SGO1: variants seen among roughly 807,000 people sequenced by gnomAD.
SGO1 encodes the protein serologically defined breast cancer antigen NY-BR-85.
SGO1 carries 39 observed loss-of-function variants against 50.5 expected under a neutral mutation model. The ratio of observed to expected loss-of-function variants is 0.77; its 90% CI spans 0.60 to 1.01. SGO1 has a LOEUF of 1.01. SGO1 is among the 50% of genes least tolerant of loss of function. The pLI, the probability that SGO1 is intolerant of heterozygous loss-of-function variation, is 0.00. For synonymous variants in SGO1, 191 were observed against 205.1 expected, an observed-to-expected ratio of 0.93 and a Z score of 0.59; for missense variants, 638 against 606.0, an observed-to-expected ratio of 1.05 and a Z score of -0.55.
Position 20,170,644 on chromosome 3 carries a change from C to G in SGO1, c.*60G>C, listed in dbSNP as rs73193250. 16,433 of 1,475,242 alleles carry G rather than the reference C, an allele frequency of 0.011. 374 individuals are homozygous for G. Among genetic ancestry groups the G allele is most frequent in the African/African-American group, 0.082 (5,704 of 69,368 alleles). The allele number at this position is 1,475,242 out of a possible 1,614,324, so 91.4% of individuals were successfully genotyped here. ...ACTCTGTTTGTGTACTCTTACAGAT[C>G]CTCTCCTGAAGCAACAGAAAGAGGT... On this transcript the variant is annotated 3_prime_UTR_variant, in exon 8 of 8. Transcript: ENST00000412997.
At position 20,170,675 on chromosome 3, in the gene SGO1, T is replaced by C. The variant is rs771866725; in HGVS notation, c.*29A>G. 28 of 1,546,710 alleles carry C rather than the reference T, an allele frequency of 1.8e-5. No homozygotes were observed. In the African/African-American group the frequency reaches 1.8e-4, roughly 10 times the overall value. ...CTGAAGCAACAGAAAGAGGTGTAGATTGAATTTAAACAATATCCAACAAAA... is the reference window on the plus strand; with the variant it reads ...CTGAAGCAACAGAAAGAGGTGTAGACTGAATTTAAACAATATCCAACAAAA... On this transcript the variant is annotated 3_prime_UTR_variant, in exon 8 of 8. Transcript: ENST00000412997.
Position 20,171,108 on chromosome 3 carries a change from T to TG in SGO1, c.1406dup (p.Ala470SerfsTer6). 6.2e-7 allele frequency: 1 copy of TG among 1,613,374 alleles called. No individual in the cohort carries two copies. The highest frequency in any genetic ancestry group is 8.5e-7 in the Non-Finnish European group (1 of 1,179,816). ...ACCTACGTTTAGGCAGAGCCACTGC[T>TG]GGGCTTGCTTTATTCTTTTTTGGAG... is the stretch of plus-strand genomic sequence containing the variant. On this transcript the variant is annotated frameshift_variant, in exon 7 of 8. Transcript: ENST00000412997. LOFTEE classifies it high-confidence loss of function.
Position 20,163,322 on chromosome 3 carries a change from G to A in SGO1, c.1565-2096C>T, listed in dbSNP as rs143008817. Among the ~76,000 whole-genome samples the A allele has an allele frequency of 1.1e-3, 168 of 152,172 alleles. 1 individual carries two copies. The highest frequency in any genetic ancestry group is 3.6e-3 in the African/African-American group (148 of 41,534). The stretch of plus-strand genomic sequence containing the variant: ...TGCTCTTTGAGGCTGAAGCAAACCT[G>A]ACTGATTTTCAATGTGAAAATAAAA... On this transcript the variant is annotated intron_variant, in intron 8 of 8. Transcript: ENST00000263753.
Position 20,171,167 on chromosome 3 carries a change from A to G in SGO1, c.1348T>C (p.Tyr450His). The change falls in exon 7 of 8, where the codon TAT (tyrosine) becomes CAT (histidine). Residue 450 changes from tyrosine (Y) to histidine (H), a missense_variant. Tyr to His is a moderately conservative substitution (Grantham distance 83, BLOSUM62 2). Coordinates refer to ENST00000412997, the MANE Select transcript of SGO1 (RefSeq NM_001199251.3). ...SLKDITNVSL[Y>H]PVVKIRRLSL... is the part of the protein sequence containing the mutation. ...AGTCTTCTGATTTTCACAACAGGAT[A>G]CAAGGAGACATTGGTGATATCCTTC... 1 of 1,613,188 alleles carries G rather than the reference A, an allele frequency of 6.2e-7. No individual in the cohort carries two copies. Among genetic ancestry groups the G allele is most frequent in the Non-Finnish European group, 8.5e-7 (1 of 1,179,724 alleles).
downstream of SGO1, among the ~76,000 whole-genome samples, chr3:20,166,842 CAAAAAAAAAAAAAAAAAAA>C (rs58288144): frequency 2.3e-5 from 1 of 42,736 alleles, no homozygotes; most frequent in African/African-American, 9.7e-5. Context: ...CCATCTCTAC[CAAAAAAAAAAAAAAAAAAA>C]AAAAAAAAAA....
Position 20,174,671 on chromosome 3 carries a change from G to C in SGO1, c.860C>G (p.Thr287Arg). The C allele has an allele frequency of 6.2e-7, 1 of 1,607,882 alleles. No individual in the cohort carries two copies. Among genetic ancestry groups the C allele is most frequent in the Non-Finnish European group, 8.5e-7 (1 of 1,177,470 alleles). Reference sequence around the variant, plus strand: ...TTTCTCTTCTCTTTTTCTTTCTTGTGTATCTCTTTGCTTACTTTTAGTTTG... The same window carrying C: ...TTTCTCTTCTCTTTTTCTTTCTTGTCTATCTCTTTGCTTACTTTTAGTTTG... Reference protein sequence around the residue: ...SEQTKSKQRDTQERKREEKRK... With the variant: ...SEQTKSKQRDRQERKREEKRK... Residue 287 changes from threonine (T) to arginine (R), a missense_variant, in exon 6 of 8, where the codon ACA becomes AGA. Coordinates refer to ENST00000412997, the MANE Select transcript of SGO1 (RefSeq NM_001199251.3).
At chr3:20,182,914 A>G (rs886390346) in intron 3 of SGO1, among the ~76,000 whole-genome samples, 1 of 152,032 alleles carries the variant, frequency 6.6e-6, no homozygotes, top group Non-Finnish European at 1.5e-5. Flanking sequence ...GCTACTCCAG[A>G]GGCTGAGGCA....
intron 5 of SGO1, among the ~76,000 whole-genome samples, chr3:20,176,344 G>C (rs971874256): frequency 6.6e-6 from 1 of 152,120 alleles, no homozygotes; most frequent in African/African-American, 2.4e-5. Context: ...GCCTAACATA[G>C]AGCTTGACAC....
Position 20,174,309 on chromosome 3 carries a change from C to T in SGO1, c.1222G>A (p.Ala408Thr), listed in dbSNP as rs770247093. The T allele has an allele frequency of 3.7e-6, 6 of 1,614,182 alleles. No homozygotes were observed. Among genetic ancestry groups the T allele is most frequent in the Non-Finnish European group, 5.1e-6 (6 of 1,180,018 alleles). ...RPVTRPLAKR[A>T]LKYTDEKETE... Reference sequence around the variant, plus strand: ...TCTTTTTCATCTGTGTATTTCAGTGCTCTTTTAGCTAGAGGCCTGGTGACT... The same window carrying T: ...TCTTTTTCATCTGTGTATTTCAGTGTTCTTTTAGCTAGAGGCCTGGTGACT... Residue 408 changes from alanine to threonine, a missense_variant, in exon 6 of 8, where the codon GCA becomes ACA. Coordinates refer to ENST00000412997, the MANE Select transcript of SGO1 (RefSeq NM_001199251.3).
At chr3:20,180,858 G>T (rs1215732610) in intron 3 of SGO1, among the ~76,000 whole-genome samples, 1 of 152,162 alleles carries the variant, frequency 6.6e-6, no homozygotes, top group Admixed American at 6.5e-5. Flanking sequence ...CAGGTGTGGC[G>T]GCTTCTGCCT....
downstream of SGO1, among the ~76,000 whole-genome samples, chr3:20,165,299 G>A (rs554379442): frequency 2.0e-5 from 3 of 152,204 alleles, no homozygotes; most frequent in South Asian, 6.2e-4. Context: ...TCCCAGTGAG[G>A]GCATTAATTC....
upstream of SGO1, chr3:20,186,713 G>T (rs1169868716): frequency 6.6e-6 from 1 of 152,128 alleles, no homozygotes; most frequent in African/African-American, 2.4e-5. Flanking sequence ...TCTCTTTGCC[G>T]GCTATCTCTG....
Position 20,182,101 on chromosome 3 carries a change from A to C in SGO1, c.339+1507T>G, listed in dbSNP as rs73037156. Reference sequence around the variant, plus strand: ...CTGTCTCAAGAAAAAAAAAAGAAAAAAAAACATAAAGTTCCCGTGAAGAAA... The same window carrying C: ...CTGTCTCAAGAAAAAAAAAAGAAAACAAAACATAAAGTTCCCGTGAAGAAA... On this transcript the variant is annotated intron_variant, in intron 3 of 7. Transcript: ENST00000412997. 7.6e-3 allele frequency among the ~76,000 whole-genome samples: 1,155 copies of C among 152,236 alleles called. 7 individuals carry two copies. Among genetic ancestry groups the C allele is most frequent in the Middle Eastern group, 0.041 (12 of 294 alleles).
intron 8 of SGO1, among the ~76,000 whole-genome samples, chr3:20,161,935 A>G (rs892002513): frequency 5.3e-5 from 8 of 152,198 alleles, no homozygotes; most frequent in Non-Finnish European, 8.8e-5. Flanking sequence ...TAAGATTATA[A>G]TTCCAGAGAG....
chr3:20,174,466 G>C lies in SGO1; in HGVS notation c.1065C>G (p.Asp355Glu), dbSNP rs889879684. Residue 355 changes from aspartate to glutamate, a missense_variant, in exon 6 of 8, where the codon GAC (aspartate) becomes GAG (glutamate). Asp to Glu is a conservative substitution (Grantham distance 45). Coordinates refer to ENST00000412997, the MANE Select transcript of SGO1 (RefSeq NM_001199251.3). ...LTPFRQKVSN[D>E]SNREENNESE... ...ACTCGTTGTTTTCTTCTCTATTAGA[G>C]TCATTGCTCACTTTTTGTCGGAAAG... 1 of 1,614,132 alleles carries C rather than the reference G, an allele frequency of 6.2e-7. No homozygotes were observed. The highest frequency in any genetic ancestry group is 8.5e-7 in the Non-Finnish European group (1 of 1,180,018).
chr3:20,165,450 T>C (rs1168676319), downstream of SGO1, among the ~76,000 whole-genome samples: 3 of 152,014 alleles, frequency 2.0e-5, no homozygotes, highest in Non-Finnish European at 1.5e-5. Flanking sequence ...AAAGCAAAAT[T>C]ATAGCAGTTA....
At chr3:20,183,543 T>C (rs1405575346) in intron 3 of SGO1, 65 bp downstream of exon 3, 1 of 1,261,104 alleles carries the variant, frequency 7.9e-7, no homozygotes, top group Admixed American at 2.4e-5. Flanking sequence ...AATAACATAA[T>C]TGATCTAAAC....
intron 6 of SGO1, among the ~76,000 whole-genome samples, chr3:20,173,368 G>C (rs2125290992): frequency 1.3e-5 from 2 of 152,168 alleles, no homozygotes; most frequent in South Asian, 4.2e-4. Flanking sequence ...TTGGACTCCT[G>C]ACCTCAGGTG....
intron 6 of SGO1, among the ~76,000 whole-genome samples, chr3:20,173,135 CTTT>C (rs11288410): frequency 1.4e-5 from 2 of 144,234 alleles, no homozygotes; most frequent in Non-Finnish European, 1.5e-5. Flanking sequence ...AGCATTTTTG[CTTT>C]TTTTTTTTTT....
Sources: gnomAD v4.1 joint callset for allele counts (sites outside exome capture counted in the v4.1 genomes callset) on GRCh38, gnomAD v4.1.1 for gene constraint, MANE v1.5 for transcripts, NCBI Gene and HGNC (gene_info 2026-07-23, HGNC 2026-07-21) for gene names.